Variants in POF1B observed in about 807,000 individuals in gnomAD.
POF1B encodes the protein POF1B actin binding protein, also known as protein POF1B.
A neutral mutation model predicts 55.3 loss-of-function variants in POF1B; 53 were observed. The observed-to-expected ratio is 0.96, with a 90% confidence interval of 0.77 to 1.20. The LOEUF (loss-of-function observed/expected upper bound fraction) is 1.20. Among genes scored for constraint, POF1B ranks in the 50% most tolerant of loss-of-function variants. The probability of loss-of-function intolerance (pLI) is 0.00; values close to 1 mark genes in which losing one functional copy is unlikely to be tolerated. For missense variants in POF1B, 478 were observed against 420.5 expected, an observed-to-expected ratio of 1.14 and a Z score of -1.20; for synonymous variants, 188 against 148.3, an observed-to-expected ratio of 1.27 and a Z score of -1.95.
chrX:85,307,848 A>G (rs1328787083), intron 10 of POF1B, among the ~76,000 whole-genome samples: 1 of 112,064 alleles, frequency 8.9e-6, no homozygotes, highest in Non-Finnish European at 1.9e-5. Flanking sequence ...GATTATTTTA[A>G]CTTTGCAGAT....
chrX:85,345,128 G>C (rs1296689411), intron 6 of POF1B, among the ~76,000 whole-genome samples: 1 of 110,979 alleles, frequency 9.0e-6, no homozygotes, highest in Non-Finnish European at 1.9e-5. Flanking sequence ...GCCTATGAAA[G>C]AGGTCAATTG....
intron 15 of POF1B, among the ~76,000 whole-genome samples, chrX:85,302,151 T>G (rs754179417): frequency 7.2e-5 from 8 of 111,348 alleles, no homozygotes; most frequent in Non-Finnish European, 1.5e-4. Flanking sequence ...ACTCTCAAGA[T>G]AGTGAAAAGA....
In POF1B at chrX:85,277,903, T is replaced by G. The variant is rs895489434; in HGVS notation, c.*1518A>C. The G allele has an allele frequency of 9.0e-6, 1 of 111,220 alleles. No individual in the cohort carries two copies. Among genetic ancestry groups the G allele is most frequent in the Non-Finnish European group, 1.9e-5 (1 of 52,622 alleles). The allele number at this position is 111,220 out of a possible 1,213,427, so 9.2% of individuals were successfully genotyped here. Reference sequence around the variant, plus strand: ...ATAACATAGTACACTTTTGTTACAGTTACATATATGAATAGTTAGCAGAGG... The same window carrying G: ...ATAACATAGTACACTTTTGTTACAGGTACATATATGAATAGTTAGCAGAGG... On this transcript the variant is annotated 3_prime_UTR_variant, in exon 17 of 17. Transcript: ENST00000262753.
rs191819549 is a variant in POF1B, at chrX:85,377,748, C to T, written c.282+1425G>A. On this transcript the variant is annotated intron_variant, in intron 2 of 16. Transcript: ENST00000262753. ...TGTAAAAAGCTCAACCAACTTGATCCTGAGTTATTGAAAGGGGAAGCTGAA... is the reference window on the plus strand; with the variant it reads ...TGTAAAAAGCTCAACCAACTTGATCTTGAGTTATTGAAAGGGGAAGCTGAA... Among the ~76,000 whole-genome samples, 112 of 111,694 alleles carry T rather than the reference C, an allele frequency of 1.0e-3. No individual in the cohort carries two copies. The Admixed American group carries it at 0.011, about 11-fold the overall frequency.
chrX:85,300,773 G>T (rs1603030107), intron 15 of POF1B, among the ~76,000 whole-genome samples: 2 of 111,553 alleles, frequency 1.8e-5, no homozygotes, highest in East Asian at 5.6e-4. Flanking sequence ...TATGCTCAAA[G>T]AACTAAAGAA....
chrX:85,298,377 C>T (rs1265092856), intron 15 of POF1B, among the ~76,000 whole-genome samples: 2 of 111,582 alleles, frequency 1.8e-5, no homozygotes, highest in Non-Finnish European at 3.8e-5. Flanking sequence ...CTGCAAGAGT[C>T]GTGAGATCTC....
At chrX:85,355,874 G>A (rs1281289852) in intron 4 of POF1B, among the ~76,000 whole-genome samples, 1 of 111,660 alleles carries the variant, frequency 9.0e-6, no homozygotes, top group Non-Finnish European at 1.9e-5. Context: ...CTGTAAACTA[G>A]TTCAACCATT....
chrX:85,299,530 C>T (rs1246364420), intron 15 of POF1B, among the ~76,000 whole-genome samples: 2 of 104,142 alleles, frequency 1.9e-5, no homozygotes, highest in Non-Finnish European at 3.9e-5. Flanking sequence ...CCTCGTGATC[C>T]GCCCGCCTCG....
At chrX:85,321,203 G>A (rs1932834438) in intron 7 of POF1B, among the ~76,000 whole-genome samples, 1 of 111,214 alleles carries the variant, frequency 9.0e-6, no homozygotes, top group Admixed American at 9.6e-5. Context: ...ATAAAATACT[G>A]GCAAACCGAA....
chrX:85,302,459 G>A (rs1222308258), intron 15 of POF1B, among the ~76,000 whole-genome samples: 2 of 111,374 alleles, frequency 1.8e-5, no homozygotes, highest in African/African-American at 6.5e-5. Flanking sequence ...CGAGGATGGG[G>A]AGAAAGTGGA....
intron 5 of POF1B, among the ~76,000 whole-genome samples, chrX:85,346,770 A>T (rs1933281259): frequency 9.0e-6 from 1 of 110,851 alleles, no homozygotes; most frequent in South Asian, 3.8e-4. Flanking sequence ...AGTAACAAAC[A>T]TTATTATTAT....
At chrX:85,281,597 T>C (rs1931898978) in intron 16 of POF1B, among the ~76,000 whole-genome samples, 1 of 109,296 alleles carries the variant, frequency 9.1e-6, no homozygotes, top group Admixed American at 9.9e-5. Context: ...GAAGGTAGAG[T>C]AAATATTGGA....
chrX:85,289,844 A>G (rs1932141639), intron 15 of POF1B, among the ~76,000 whole-genome samples: 1 of 111,637 alleles, frequency 9.0e-6, no homozygotes, highest in Admixed American at 9.5e-5. Flanking sequence ...GCTACAGCAT[A>G]TTATTCAAAA....
chrX:85,279,915 G>A (rs1434584862), intron 16 of POF1B, among the ~76,000 whole-genome samples: 1 of 111,087 alleles, frequency 9.0e-6, no homozygotes, highest in East Asian at 2.8e-4. Context: ...GTTAGGGTTA[G>A]TGGCAGCAAT....
intron 9 of POF1B, among the ~76,000 whole-genome samples, chrX:85,312,611 T>C (rs1449624734): frequency 4.5e-5 from 5 of 111,693 alleles, no homozygotes; most frequent in South Asian, 3.7e-4. Flanking sequence ...GGTAGCATGA[T>C]GCCTCCAGCT....
chrX:85,367,061 A>G (rs1413536349), intron 3 of POF1B, among the ~76,000 whole-genome samples: 1 of 111,039 alleles, frequency 9.0e-6, no homozygotes, highest in East Asian at 2.8e-4. Context: ...TTTAAATCCC[A>G]TAACCCCTTT....
chrX:85,348,386 A>G (rs1447261382), intron 5 of POF1B, among the ~76,000 whole-genome samples: 1 of 111,622 alleles, frequency 9.0e-6, no homozygotes, highest in Admixed American at 9.5e-5. Flanking sequence ...AGTAAAAAGA[A>G]TTATGATGAG....
intron 3 of POF1B, among the ~76,000 whole-genome samples, chrX:85,364,543 G>T (rs1040409041): frequency 9.0e-6 from 1 of 111,508 alleles, no homozygotes; most frequent in Non-Finnish European, 1.9e-5. Flanking sequence ...CTTGTTTGAT[G>T]ATTTTTTTTC....
intron 9 of POF1B, among the ~76,000 whole-genome samples, chrX:85,309,374 G>A (rs1374028528): frequency 1.9e-4 from 20 of 107,609 alleles, no homozygotes; most frequent in African/African-American, 5.7e-4. Flanking sequence ...AAAAAAGAAA[G>A]AAAAAAGAAA....
Sources: gnomAD v4.1 joint callset for allele counts (sites outside exome capture counted in the v4.1 genomes callset) on GRCh38, gnomAD v4.1.1 for gene constraint, MANE v1.5 for transcripts, NCBI Gene and HGNC (gene_info 2026-07-23, HGNC 2026-07-21) for gene names.